Variants in IQANK1 observed in about 807,000 individuals in gnomAD.
The protein encoded by IQANK1 is IQ motif and ankyrin repeat containing 1, also known as IQ motif and ankyrin repeat domain-containing protein 1.
IQANK1 carries 30 observed loss-of-function variants against 22.6 expected under a neutral mutation model. The ratio of observed to expected loss-of-function variants is 1.33; its 90% CI spans 0.99 to 1.80. IQANK1 has a LOEUF of 1.80. IQANK1 is among the 40% of genes most tolerant of loss of function. IQANK1 has a pLI of 0.00. For missense variants in IQANK1, 275 were observed against 235.2 expected (o/e 1.17, Z -1.11); for synonymous variants, 122 against 99.6 (o/e 1.23, Z -1.34).
At chr8:143,740,922 C>T (rs1554626409) in intron 3 of IQANK1, among the ~76,000 whole-genome samples, 1 of 152,230 alleles carries the variant, frequency 6.6e-6, no homozygotes, top group African/African-American at 2.4e-5. Flanking sequence ...TGGAGCGTGT[C>T]CAGTAGCTGG....
At position 143,772,259 on chromosome 8, in the gene IQANK1, C is replaced by T. The variant is rs2129910048; in HGVS notation, c.663+16C>T. On this transcript the variant is annotated intron_variant, in intron 6 of 13. Transcript: ENST00000527139. ...CAACAGCAAGGTGGGCGCCGTGGGC[C>T]GCGGGCCGCCGCGCTGAGGGGCGCG... The T allele has an allele frequency of 1.0e-5, 4 of 397,476 alleles. No homozygotes were observed. In the East Asian group the frequency reaches 1.4e-4, roughly 14 times the overall value. The allele number at this position is 397,476 out of a possible 1,614,324, so 24.6% of individuals were successfully genotyped here.
At chr8:143,783,166 A>G (rs1345675492) in intron 7 of IQANK1, among the ~76,000 whole-genome samples, 1 of 152,200 alleles carries the variant, frequency 6.6e-6, no homozygotes. Context: ...ACATATGTGC[A>G]CAGTTTTCCA....
chr8:143,756,540 G>A (rs1819296181), intron 3 of IQANK1, among the ~76,000 whole-genome samples: 1 of 151,994 alleles, frequency 6.6e-6, no homozygotes, highest in African/African-American at 2.4e-5. Context: ...ATGAATTGCT[G>A]GTACACACGC....
intron 3 of IQANK1, among the ~76,000 whole-genome samples, chr8:143,761,024 C>T (rs1819385090): frequency 6.6e-6 from 1 of 152,176 alleles, no homozygotes; most frequent in Non-Finnish European, 1.5e-5. Context: ...CGAAGACGGT[C>T]AGGGAGGCGC....
intron 3 of IQANK1, among the ~76,000 whole-genome samples, chr8:143,740,872 C>T (rs1375312743): frequency 2.0e-5 from 3 of 152,198 alleles, no homozygotes; most frequent in African/African-American, 7.2e-5. Flanking sequence ...CTCAGGGGTG[C>T]GGGAGCACCT....
At chr8:143,746,796 G>T (rs1328210461) in intron 3 of IQANK1, among the ~76,000 whole-genome samples, 2 of 152,092 alleles carry the variant, frequency 1.3e-5, no homozygotes, top group African/African-American at 4.8e-5. Flanking sequence ...TTAGGAATTT[G>T]TCCACTTCAT....
intron 3 of IQANK1, among the ~76,000 whole-genome samples, chr8:143,763,589 T>C (rs912458871): frequency 6.6e-6 from 1 of 152,198 alleles, no homozygotes; most frequent in Non-Finnish European, 1.5e-5. Context: ...GCACGAGAGC[T>C]GGTTGGTTAC....
chr8:143,786,751 G>A (rs1484856299), intron 7 of IQANK1, among the ~76,000 whole-genome samples: 1 of 152,190 alleles, frequency 6.6e-6, no homozygotes, highest in Non-Finnish European at 1.5e-5. Context: ...TTTAAGAAAG[G>A]TGGCCAAGGT....
chr8:143,746,894 T>C (rs1264765182), intron 3 of IQANK1, among the ~76,000 whole-genome samples: 5 of 152,126 alleles, frequency 3.3e-5, no homozygotes, highest in African/African-American at 1.2e-4. Flanking sequence ...ATTTATCTAT[T>C]TATGAGATGG....
intron 7 of IQANK1, among the ~76,000 whole-genome samples, chr8:143,776,343 A>AG (rs1819686700): frequency 6.6e-6 from 1 of 150,862 alleles, no homozygotes; most frequent in African/African-American, 2.4e-5. Flanking sequence ...AAAAAAAAAA[A>AG]AAGAAAAAGA....
chr8:143,761,330 C>T (rs1267296658), intron 3 of IQANK1, among the ~76,000 whole-genome samples: 1 of 152,226 alleles, frequency 6.6e-6, no homozygotes, highest in Non-Finnish European at 1.5e-5. Context: ...GCTCCGGCCC[C>T]GGGAAGCTGC....
intron 7 of IQANK1, among the ~76,000 whole-genome samples, chr8:143,781,827 AG>A (rs1354701475): frequency 6.6e-6 from 1 of 152,208 alleles, no homozygotes; most frequent in Non-Finnish European, 1.5e-5. Context: ...ATTTTAAAAT[AG>A]TATTTTCTAG....
At chr8:143,756,965 AG>A (rs1819304234) in intron 3 of IQANK1, among the ~76,000 whole-genome samples, 1 of 148,026 alleles carries the variant, frequency 6.8e-6, no homozygotes, top group Admixed American at 6.8e-5. Flanking sequence ...GTGACAGAAT[AG>A]GACCCTGTCT....
intron 3 of IQANK1, among the ~76,000 whole-genome samples, chr8:143,757,995 T>C (rs1412124679): frequency 6.6e-6 from 1 of 152,212 alleles, no homozygotes; most frequent in Non-Finnish European, 1.5e-5. Flanking sequence ...CAATATAGTG[T>C]ATCAGTTCAT....
In IQANK1 at chr8:143,758,558, T is replaced by C. The variant is rs1346460332; in HGVS notation, c.176-12930T>C. The C allele has an allele frequency of 2.0e-5, 3 of 152,148 alleles. No homozygotes were observed. Among genetic ancestry groups the C allele is most frequent in the Non-Finnish European group, 4.4e-5 (3 of 68,032 alleles). The allele number at this position is 152,148 out of a possible 1,614,324, so 9.4% of individuals were successfully genotyped here. ...GAACACGAGAACAACAAAAATACTT[T>C]CCTTGAACATTTTCAGCTAGAATGA... On this transcript the variant is annotated intron_variant, in intron 3 of 13. Coordinates refer to ENST00000527139, the MANE Select transcript of IQANK1 (RefSeq NM_001381874.1). The surrounding 1 kb of genome is among the most constrained non-coding windows in gnomAD (Gnocchi z 4.2).
At chr8:143,759,751 G>A (rs1190122169) in intron 3 of IQANK1, 1 of 152,182 alleles carries the variant, frequency 6.6e-6, no homozygotes, top group East Asian at 1.9e-4. Context: ...CACATCTTTT[G>A]GGGGTAGCAC....
chr8:143,779,548 A>G (rs1819756232), intron 7 of IQANK1, among the ~76,000 whole-genome samples: 1 of 143,974 alleles, frequency 6.9e-6, no homozygotes, highest in Non-Finnish European at 1.6e-5. Context: ...TCATTCTCTT[A>G]TAGTTTAATT....
rs1554630106 is a variant in IQANK1, at chr8:143,774,275, A to C, written c.789+1793A>C. On this transcript the variant is annotated intron_variant, in intron 7 of 13. Transcript: ENST00000527139. This position sits in a 1 kb window ranked among gnomAD's most constrained non-coding sequence, Gnocchi z 4.2. ...GTCAAGAAGAAAAGAAGCCACAGGCAGGAGCAAACGTTTGTGAACCACGCA... is the reference window on the plus strand; with the variant it reads ...GTCAAGAAGAAAAGAAGCCACAGGCCGGAGCAAACGTTTGTGAACCACGCA... 6.6e-6 allele frequency among the ~76,000 whole-genome samples: 1 copy of C among 152,204 alleles called. No individual in the cohort carries two copies. The highest frequency in any genetic ancestry group is 1.9e-4 in the East Asian group (1 of 5,200).
intron 3 of IQANK1, among the ~76,000 whole-genome samples, chr8:143,754,318 G>C (rs1819248904): frequency 6.6e-6 from 1 of 152,192 alleles, no homozygotes; most frequent in Non-Finnish European, 1.5e-5. Flanking sequence ...CGTATCCGTG[G>C]GTCAGGAGTC....
Sources: gnomAD v4.1 joint callset for allele counts (sites outside exome capture counted in the v4.1 genomes callset) on GRCh38, gnomAD v4.1.1 for gene constraint, Gnocchi (gnomAD v3.1) non-coding constraint, MANE v1.5 for transcripts, NCBI Gene and HGNC (gene_info 2026-07-23, HGNC 2026-07-21) for gene names.